The following FBXL13 variants were observed in gnomAD, a reference collection of about 807,000 sequenced individuals.
FBXL13 encodes the protein F-box and leucine rich repeat protein 13, also known as F-box and leucine-rich repeat protein 13.
In FBXL13, 67 loss-of-function variants were observed where a neutral mutation model predicts 83.6. The observed-to-expected ratio is 0.80, with a 90% CI of 0.66 to 0.98. The LOEUF (loss-of-function observed/expected upper bound fraction) is 0.98. Ranked by LOEUF, FBXL13 falls within the 50% of genes least tolerant of loss-of-function variation. FBXL13 has a pLI of 0.00. For synonymous variants in FBXL13, 272 were observed against 299.5 expected (o/e 0.91, Z 0.95); for missense variants, 822 against 866.5 (o/e 0.95, Z 0.64).
intron 11 of FBXL13, among the ~76,000 whole-genome samples, chr7:102,891,211 C>T (rs992936249): frequency 6.6e-6 from 1 of 152,162 alleles, no homozygotes; most frequent in Non-Finnish European, 1.5e-5. Flanking sequence ...CTGCCAATCC[C>T]TCTTTAGATG....
chr7:102,914,588 T>G (rs915932619), intron 10 of FBXL13, among the ~76,000 whole-genome samples: 3 of 152,246 alleles, frequency 2.0e-5, no homozygotes, highest in African/African-American at 7.2e-5. Flanking sequence ...ATACAAGCAC[T>G]GACCATTAAT....
At chr7:102,848,257 T>TA (rs997325616) in intron 17 of FBXL13, among the ~76,000 whole-genome samples, 4 of 152,052 alleles carry the variant, frequency 2.6e-5, no homozygotes, top group South Asian at 4.1e-4. Flanking sequence ...ATAATCTGCA[T>TA]AAAAAATACA....
In FBXL13 at chr7:102,827,578, A is replaced by T. The variant is rs939028961; in HGVS notation, c.1854+5262T>A. 7.9e-5 allele frequency among the ~76,000 whole-genome samples: 12 copies of T among 152,014 alleles called. No individual in the cohort carries two copies. The South Asian group carries it at 1.2e-3, about 16-fold the overall frequency. On this transcript the variant is annotated intron_variant, in intron 18 of 19. Transcript: ENST00000313221. Reference sequence around the variant, plus strand: ...TTTAGGGTACATGTGCACAATGTGCATGTTTGTTACATATGTATACATGTG... The same window carrying T: ...TTTAGGGTACATGTGCACAATGTGCTTGTTTGTTACATATGTATACATGTG...
At chr7:102,899,414 T>TACAA (rs1812690798) in intron 11 of FBXL13, among the ~76,000 whole-genome samples, 1 of 152,186 alleles carries the variant, frequency 6.6e-6, no homozygotes, top group Admixed American at 6.5e-5. Flanking sequence ...TCCCTCTTGG[T>TACAA]AGGCTTCTTT....
chr7:102,837,140 G>A (rs1057356681), intron 17 of FBXL13, among the ~76,000 whole-genome samples: 4 of 152,172 alleles, frequency 2.6e-5, no homozygotes, highest in Admixed American at 1.3e-4. Context: ...CCATGAGATG[G>A]AGAGCTACAC....
chr7:102,869,255 T>C (rs888743632), intron 16 of FBXL13, among the ~76,000 whole-genome samples: 4 of 152,238 alleles, frequency 2.6e-5, no homozygotes, highest in African/African-American at 7.2e-5. Flanking sequence ...CTTCATGTAC[T>C]TGTTGGCCGT....
chr7:103,058,381 A>G (rs1310363969), intron 1 of FBXL13, among the ~76,000 whole-genome samples: 1 of 152,218 alleles, frequency 6.6e-6, no homozygotes, highest in Non-Finnish European at 1.5e-5. Flanking sequence ...CCACAGTTGC[A>G]ACCTGAATTT....
chr7:102,823,393 T>C (rs1799083193), intron 18 of FBXL13, among the ~76,000 whole-genome samples: 1 of 152,176 alleles, frequency 6.6e-6, no homozygotes, highest in Admixed American at 6.5e-5. Flanking sequence ...GTAAAAAAGA[T>C]GGAGTAACCT....
At chr7:102,832,699 G>T in intron 18 of FBXL13, 141 bp downstream of exon 19, 1 of 1,012,812 alleles carries the variant, frequency 9.9e-7, no homozygotes, top group South Asian at 3.2e-5. Flanking sequence ...TTTCCAATTT[G>T]AGGATAGAAG....
chr7:102,877,443 T>C (rs1176558263), intron 16 of FBXL13, 24 bp downstream of exon 17: 3 of 1,538,222 alleles, frequency 2.0e-6, no homozygotes, highest in African/African-American at 1.4e-5. Flanking sequence ...ATAAAAGTCA[T>C]TGTACTGTTT....
At chr7:102,959,892 G>C (rs1824903624) in intron 8 of FBXL13, among the ~76,000 whole-genome samples, 1 of 151,936 alleles carries the variant, frequency 6.6e-6, no homozygotes, top group Non-Finnish European at 1.5e-5. Flanking sequence ...TAATTTAGTG[G>C]ATCTATATGC....
At chr7:103,062,200 G>A (rs1408249998) in intron 1 of FBXL13, among the ~76,000 whole-genome samples, 1 of 152,042 alleles carries the variant, frequency 6.6e-6, no homozygotes, top group East Asian at 1.9e-4. Flanking sequence ...ACAATCACTA[G>A]GTGTATCTGC....
At chr7:102,895,858 G>A (rs1049884462) in intron 11 of FBXL13, among the ~76,000 whole-genome samples, 1 of 152,130 alleles carries the variant, frequency 6.6e-6, no homozygotes, top group African/African-American at 2.4e-5. Context: ...AGAGAAACAC[G>A]GACATATTTT....
intron 8 of FBXL13, among the ~76,000 whole-genome samples, chr7:102,932,429 T>C (rs1819357190): frequency 6.6e-6 from 1 of 151,886 alleles, no homozygotes; most frequent in African/African-American, 2.4e-5. Flanking sequence ...TCTCTATCTA[T>C]AGCCCTCAAT....
chr7:103,074,572 C>T (rs1799457207), upstream of FBXL13: 3 of 1,232,378 alleles, frequency 2.4e-6, no homozygotes, highest in South Asian at 1.3e-5. Flanking sequence ...GCATTCTGCC[C>T]CGCCTTCCCT....
chr7:102,821,366 C>A (rs1798789505), intron 19 of FBXL13, among the ~76,000 whole-genome samples: 1 of 152,102 alleles, frequency 6.6e-6, no homozygotes, highest in African/African-American at 2.4e-5. Context: ...TTTCTTTTTT[C>A]CATTTCATTT....
chr7:103,030,253 A>G (rs1441941398), intron 2 of FBXL13: 2 of 152,202 alleles, frequency 1.3e-5, no homozygotes, highest in Admixed American at 1.3e-4. Context: ...ATTAACAGAT[A>G]TGGCATACAC....
At chr7:102,956,961 A>C (rs1824368465) in intron 8 of FBXL13, among the ~76,000 whole-genome samples, 1 of 152,208 alleles carries the variant, frequency 6.6e-6, no homozygotes, top group African/African-American at 2.4e-5. Flanking sequence ...CATACTGCCC[A>C]GGGTAATTTA....
At chr7:102,831,294 CAG>C (rs886064287) in intron 18 of FBXL13, among the ~76,000 whole-genome samples, 4 of 151,922 alleles carry the variant, frequency 2.6e-5, no homozygotes, top group African/African-American at 4.8e-5. Context: ...TCACCTCCAC[CAG>C]AGAACATGTG....
Sources: gnomAD v4.1 joint callset for allele counts (sites outside exome capture counted in the v4.1 genomes callset) on GRCh38, gnomAD v4.1.1 for gene constraint, MANE v1.5 for transcripts, NCBI Gene and HGNC (gene_info 2026-07-23, HGNC 2026-07-21) for gene names.